The following XKR4 variants were observed in gnomAD, a reference collection of about 807,000 sequenced individuals.
The protein encoded by XKR4 is XK related 4.
Under a neutral mutation model 53.9 loss-of-function variants are expected in XKR4, and 12 were observed. The ratio of observed to expected loss-of-function variants is 0.22; its 90% CI spans 0.14 to 0.36. The LOEUF is 0.36. Among genes scored for constraint, XKR4 ranks in the 10% least tolerant of loss-of-function variants. XKR4 has a pLI of 1.00. For synonymous variants in XKR4, 354 were observed against 362.4 expected (o/e 0.98, Z 0.26); for missense variants, 799 against 859.5 (o/e 0.93, Z 0.88).
At position 55,373,807 on chromosome 8, in the gene XKR4, A is replaced by C. The variant is rs142796195; in HGVS notation, c.1006+15930A>C. On this transcript the variant is annotated intron_variant, in intron 2 of 2. Transcript: ENST00000327381. ...GCTGTTACAAAAACTATGTGAAGTAAGTTTTATTTTTTTTTTTAATGTTTT... is the reference window on the plus strand; with the variant it reads ...GCTGTTACAAAAACTATGTGAAGTACGTTTTATTTTTTTTTTTAATGTTTT... Among the ~76,000 whole-genome samples, 325 of 152,326 alleles carry C rather than the reference A, an allele frequency of 2.1e-3. 1 individual carries two copies. The highest frequency in any genetic ancestry group is 7.4e-3 in the African/African-American group (308 of 41,578).
At position 55,102,352 on chromosome 8, in the gene XKR4, G is replaced by A. The variant is rs528686710; in HGVS notation, c.-137G>A. 7.1e-6 allele frequency: 8 copies of A among 1,125,172 alleles called. No individual in the cohort carries two copies. The South Asian group carries it at 2.7e-4, about 38-fold the overall frequency. The allele number at this position is 1,125,172 out of a possible 1,614,324, so 69.7% of individuals were successfully genotyped here. ...GCGGGCGGCGGCGGACGGCAGGCGA[G>A]CCGACGCAGGAGCAGGAGGAGGGGG... On this transcript the variant is annotated 5_prime_UTR_variant, in exon 1 of 3. Transcript: ENST00000327381. This position sits in a 1 kb window ranked among gnomAD's most constrained non-coding sequence, Gnocchi z 5.1.
intron 1 of XKR4, among the ~76,000 whole-genome samples, chr8:55,240,850 G>T (rs1362422630): frequency 6.6e-6 from 1 of 152,200 alleles, no homozygotes; most frequent in Non-Finnish European, 1.5e-5. Flanking sequence ...GTTGCACATG[G>T]TGAGGAAAGC....
chr8:55,138,584 A>T (rs763548592), intron 1 of XKR4, among the ~76,000 whole-genome samples: 8 of 152,250 alleles, frequency 5.3e-5, no homozygotes, highest in Middle Eastern at 3.2e-3. Context: ...ATTGAAGCTA[A>T]GTGCCACCAA....
At chr8:55,470,420 C>A (rs917579947) in intron 2 of XKR4, among the ~76,000 whole-genome samples, 2 of 152,138 alleles carry the variant, frequency 1.3e-5, no homozygotes, top group Non-Finnish European at 2.9e-5. Context: ...CTCACAAGAT[C>A]TGATGGTTTT....
intron 2 of XKR4, among the ~76,000 whole-genome samples, chr8:55,369,562 AAGGGAGGGAGGG>A (rs1244620267): frequency 8.9e-6 from 1 of 112,938 alleles, no homozygotes; most frequent in African/African-American, 3.4e-5. Context: ...AAAGGGAAGG[AAGGGAGGGAGGG>A]AGGGAGGGAG....
chr8:55,397,681 C>A (rs768846883), intron 2 of XKR4, among the ~76,000 whole-genome samples: 7 of 152,058 alleles, frequency 4.6e-5, no homozygotes, highest in Non-Finnish European at 8.8e-5. Context: ...CAAGTGCACA[C>A]GACTCCCAAG....
chr8:55,426,418 G>A (rs1805014450), intron 2 of XKR4, among the ~76,000 whole-genome samples: 1 of 152,002 alleles, frequency 6.6e-6, no homozygotes, highest in South Asian at 2.1e-4. Flanking sequence ...CACACTCAGA[G>A]GCTGGGTTTG....
At position 55,399,831 on chromosome 8, in the gene XKR4, G is replaced by A. The variant is rs75443195; in HGVS notation, c.1006+41954G>A. Among the ~76,000 whole-genome samples the A allele has an allele frequency of 7.6e-3, 1,153 of 152,282 alleles. 15 individuals are homozygous for A. Among genetic ancestry groups the A allele is most frequent in the African/African-American group, 0.026 (1,074 of 41,552 alleles). Reference sequence around the variant, plus strand: ...GAGGGGAGTGGTCAGAAGTAGGCACGGGAGTCCATCGTGGAGACTTGGTGA... The same window carrying A: ...GAGGGGAGTGGTCAGAAGTAGGCACAGGAGTCCATCGTGGAGACTTGGTGA... On this transcript the variant is annotated intron_variant, in intron 2 of 2. Transcript: ENST00000327381.
chr8:55,507,555 T>C (rs1048426650), intron 2 of XKR4, among the ~76,000 whole-genome samples: 3 of 152,238 alleles, frequency 2.0e-5, no homozygotes, highest in Non-Finnish European at 2.9e-5. Flanking sequence ...CCTGTGTCCA[T>C]GTGTTATTGT....
At chr8:55,498,473 G>A (rs553362540) in intron 2 of XKR4, among the ~76,000 whole-genome samples, 1 of 152,288 alleles carries the variant, frequency 6.6e-6, no homozygotes, top group East Asian at 1.9e-4. Flanking sequence ...GGGTCACCTG[G>A]CTGCTGTGAA....
At chr8:55,505,819 T>C (rs1806518500) in intron 2 of XKR4, among the ~76,000 whole-genome samples, 2 of 152,248 alleles carry the variant, frequency 1.3e-5, no homozygotes, top group Non-Finnish European at 2.9e-5. Context: ...TTAATCTTCT[T>C]TTTGGTTGAA....
At chr8:55,379,291 C>A (rs767357170) in intron 2 of XKR4, among the ~76,000 whole-genome samples, 3 of 152,164 alleles carry the variant, frequency 2.0e-5, no homozygotes, top group Non-Finnish European at 4.4e-5. Flanking sequence ...GCATCAAATG[C>A]TGTCAGGTGC....
At chr8:55,426,930 G>T (rs1191428978) in intron 2 of XKR4, among the ~76,000 whole-genome samples, 1 of 152,146 alleles carries the variant, frequency 6.6e-6, no homozygotes, top group Non-Finnish European at 1.5e-5. Context: ...ATTCATAGAT[G>T]ATGTAATAAC....
At chr8:55,462,498 C>T (rs1446561611) in intron 2 of XKR4, among the ~76,000 whole-genome samples, 29 of 152,238 alleles carry the variant, frequency 1.9e-4, no homozygotes, top group East Asian at 1.9e-4. Context: ...AAGGAACAAC[C>T]GGTACCAGCC....
intron 1 of XKR4, among the ~76,000 whole-genome samples, chr8:55,150,785 A>C (rs1563469138): frequency 6.6e-6 from 1 of 152,200 alleles, no homozygotes; most frequent in African/African-American, 2.4e-5. Flanking sequence ...CCATGGGTAG[A>C]TGATGGTGTC....
intron 2 of XKR4, among the ~76,000 whole-genome samples, chr8:55,462,537 C>T (rs9693206): frequency 6.6e-6 from 1 of 152,024 alleles, no homozygotes; most frequent in African/African-American, 2.4e-5. Context: ...ATTGTAAAGA[C>T]CATCAAGGCT....
chr8:55,318,449 T>C (rs1434838892), intron 1 of XKR4, among the ~76,000 whole-genome samples: 2 of 152,180 alleles, frequency 1.3e-5, no homozygotes, highest in Non-Finnish European at 2.9e-5. Flanking sequence ...CCAAACAATT[T>C]TGACCTCAGT....
At chr8:55,270,117 G>A (rs1255321646) in intron 1 of XKR4, among the ~76,000 whole-genome samples, 2 of 152,110 alleles carry the variant, frequency 1.3e-5, no homozygotes, top group African/African-American at 2.4e-5. Context: ...CTTCTTGTGG[G>A]GTGTGTTCCC....
At chr8:55,387,903 G>C (rs573303425) in intron 2 of XKR4, among the ~76,000 whole-genome samples, 1 of 152,196 alleles carries the variant, frequency 6.6e-6, no homozygotes, top group Non-Finnish European at 1.5e-5. Context: ...CTGAGAGATG[G>C]GAGGGTGATA....
Sources: gnomAD v4.1 joint callset for allele counts (sites outside exome capture counted in the v4.1 genomes callset) on GRCh38, gnomAD v4.1.1 for gene constraint, Gnocchi (gnomAD v3.1) non-coding constraint, MANE v1.5 for transcripts, NCBI Gene and HGNC (gene_info 2026-07-23, HGNC 2026-07-21) for gene names.